Variants in PLEKHG1 observed in about 807,000 individuals in gnomAD.
PLEKHG1 encodes the protein pleckstrin homology and RhoGEF domain containing G1.
PLEKHG1 carries 44 observed loss-of-function variants against 100.8 expected under a neutral mutation model. The observed-to-expected ratio is 0.44, with a 90% CI of 0.34 to 0.56. The LOEUF is 0.56. Among genes scored for constraint, PLEKHG1 ranks in the 20% least tolerant of loss-of-function variants. The probability of loss-of-function intolerance (pLI) is 0.01; values close to 1 mark genes in which losing one functional copy is unlikely to be tolerated. For missense variants in PLEKHG1, 1,545 were observed against 1,720.9 expected, an observed-to-expected ratio of 0.90 and a Z score of 1.81; for synonymous variants, 640 against 662.5, an observed-to-expected ratio of 0.97 and a Z score of 0.52.
At chr6:150,773,711 T>A (rs1369815505) in intron 3 of PLEKHG1, among the ~76,000 whole-genome samples, 1 of 152,218 alleles carries the variant, frequency 6.6e-6, no homozygotes, top group Non-Finnish European at 1.5e-5. Flanking sequence ...GAATTTTTTT[T>A]TTAATTTGTC....
At chr6:150,839,866 A>G in exon 16 of PLEKHG1, 4 of 1,613,428 alleles carry the variant, frequency 2.5e-6, no homozygotes, top group East Asian at 4.5e-5. Context: ...CAGTTGTATG[A>G]CCAGATTGTA....
intron 1 of PLEKHG1, among the ~76,000 whole-genome samples, chr6:150,605,049 C>T (rs559842323): frequency 6.6e-6 from 1 of 152,340 alleles, no homozygotes; most frequent in South Asian, 2.1e-4. Flanking sequence ...TCTGTCTCTT[C>T]CCTGCAGCCC....
At position 150,777,730 on chromosome 6, in the gene PLEKHG1, C is replaced by T. The variant is rs185526470; in HGVS notation, c.513-8660C>T. On this transcript the variant is annotated intron_variant, in intron 3 of 15. Coordinates refer to ENST00000358517, the Ensembl canonical transcript of PLEKHG1. ...TGTGCGGTTGCACATTACACTGATG[C>T]AATCCTGGTGCACGTGTGGTTGCAC... is the stretch of plus-strand genomic sequence containing the variant. Among the ~76,000 whole-genome samples, 21 of 127,472 alleles carry T rather than the reference C, an allele frequency of 1.6e-4. 1 individual carries two copies. Among genetic ancestry groups the T allele is most frequent in the African/African-American group, 7.6e-4 (20 of 26,250 alleles). 83.6% of individuals were successfully genotyped at this position (127,472 alleles called of 152,430 possible). A position where few individuals can be genotyped will look rare whatever the true frequency, so the allele number is the denominator to read the frequency against.
chr6:150,741,940 G>A (rs548947177), intron 2 of PLEKHG1, among the ~76,000 whole-genome samples: 2 of 152,266 alleles, frequency 1.3e-5, no homozygotes, highest in East Asian at 1.9e-4. Flanking sequence ...AACCACCACC[G>A]TCCCCACTTG....
At chr6:150,796,053 C>T in intron 5 of PLEKHG1, 151 bp downstream of exon 6, 1 of 528,326 alleles carries the variant, frequency 1.9e-6, no homozygotes, top group Non-Finnish European at 3.4e-6. Context: ...GAACAGATTA[C>T]AGGGGCACCC....
chr6:150,826,632 A>G (rs912171076), intron 14 of PLEKHG1, among the ~76,000 whole-genome samples: 4 of 152,140 alleles, frequency 2.6e-5, no homozygotes, highest in Non-Finnish European at 4.4e-5. Context: ...TGACCAACAT[A>G]TGCTGATTCT....
intron 3 of PLEKHG1, among the ~76,000 whole-genome samples, chr6:150,784,322 T>G (rs1365550623): frequency 6.6e-6 from 1 of 152,194 alleles, no homozygotes; most frequent in Non-Finnish European, 1.5e-5. Context: ...GATACTGGAA[T>G]CTCAATAGCA....
chr6:150,718,268 A>G (rs1176370490), upstream of PLEKHG1, among the ~76,000 whole-genome samples: 1 of 152,220 alleles, frequency 6.6e-6, no homozygotes, highest in East Asian at 1.9e-4. Context: ...CCAGCAGCGC[A>G]CCTCCAAGAA....
chr6:150,795,314 G>A (rs1334412924), intron 4 of PLEKHG1, among the ~76,000 whole-genome samples: 5 of 151,990 alleles, frequency 3.3e-5, no homozygotes, highest in African/African-American at 7.3e-5. Context: ...TGCTTGAACC[G>A]GGGAGGCAGA....
intron 3 of PLEKHG1, among the ~76,000 whole-genome samples, chr6:150,687,544 A>G (rs1055487281): frequency 4.6e-5 from 7 of 152,232 alleles, no homozygotes; most frequent in Non-Finnish European, 1.0e-4. Context: ...TTTCATTAGA[A>G]TGAAATACTT....
intron 4 of PLEKHG1, among the ~76,000 whole-genome samples, chr6:150,789,374 G>T (rs529368048): frequency 2.0e-5 from 3 of 152,274 alleles, no homozygotes; most frequent in Admixed American, 6.5e-5. Context: ...CTAACTAGGA[G>T]CTGTTGACTT....
intron 2 of PLEKHG1, among the ~76,000 whole-genome samples, chr6:150,736,788 C>T (rs1172067598): frequency 1.3e-5 from 2 of 151,014 alleles, no homozygotes; most frequent in Non-Finnish European, 3.0e-5. Flanking sequence ...AAAACAAAAA[C>T]AAAAAATCAG....
chr6:150,776,457 TACTC>T (rs1419146473), intron 3 of PLEKHG1, among the ~76,000 whole-genome samples: 6 of 133,222 alleles, frequency 4.5e-5, no homozygotes, highest in South Asian at 2.4e-4. Flanking sequence ...AGTTGCACAT[TACTC>T]ACACTGATGC....
chr6:150,638,613 G>C (rs1778117432), intron 2 of PLEKHG1, among the ~76,000 whole-genome samples: 1 of 152,238 alleles, frequency 6.6e-6, no homozygotes, highest in Non-Finnish European at 1.5e-5. Flanking sequence ...AGAGGATGGA[G>C]AGTTCTGGGG....
chr6:150,639,653 G>C (rs1265132832), intron 2 of PLEKHG1, among the ~76,000 whole-genome samples: 1 of 152,098 alleles, frequency 6.6e-6, no homozygotes, highest in Admixed American at 6.5e-5. Flanking sequence ...GGGCTGGCCT[G>C]AAGAGTCTGG....
At chr6:150,796,469 A>C (rs1391155946) in intron 5 of PLEKHG1, among the ~76,000 whole-genome samples, 2 of 152,188 alleles carry the variant, frequency 1.3e-5, no homozygotes, top group Non-Finnish European at 2.9e-5. Context: ...TGTAGGAAGC[A>C]TCCTTGGACA....
In PLEKHG1 at chr6:150,831,210, C is replaced by T. The variant is rs1269226341; in HGVS notation, c.2099C>T (p.Ala700Val). Residue 700 changes from alanine to valine, a missense_variant, in exon 15 of 16, where the codon GCC becomes GTC. Physicochemically the swap from Ala to Val is moderately conservative, Grantham distance 64. Coordinates refer to ENST00000358517, the Ensembl canonical transcript of PLEKHG1. This position sits in a 1 kb window ranked among gnomAD's most constrained non-coding sequence, Gnocchi z 4.1. ...CGCCCCAAGAGCACCCCAGAGTTAG[C>T]CTTCACAAAGAGGCAAGCTGGCCAC... 3 of 1,614,020 alleles carry T rather than the reference C, an allele frequency of 1.9e-6. No homozygotes were observed. The highest frequency in any genetic ancestry group is 2.5e-6 in the Non-Finnish European group (3 of 1,180,028).
At chr6:150,809,562 G>A in intron 9 of PLEKHG1, 86 bp downstream of exon 10, 1 of 1,484,718 alleles carries the variant, frequency 6.7e-7, no homozygotes, top group Middle Eastern at 1.7e-4. Flanking sequence ...AGAGCGTTCT[G>A]GCCACATGGT....
Position 150,677,704 on chromosome 6 carries a change from T to TA in PLEKHG1, c.-99+26924dup, listed in dbSNP as rs575877742. On this transcript the variant is annotated intron_variant, in intron 3 of 3. Coordinates refer to the PLEKHG1 transcript ENST00000367326. ...AGGCAACATAGTGAGATCCCGTCTC[T>TA]AAAAAAGAAAAAGAAAGTTTAAATT... 5.1e-4 allele frequency among the ~76,000 whole-genome samples: 76 copies of TA among 148,014 alleles called. 3 individuals carry two copies. In the East Asian group the frequency reaches 0.015, roughly 29 times the overall value.
Sources: allele counts gnomAD v4.1 joint callset (sites outside exome capture counted in the v4.1 genomes callset), GRCh38; gene constraint gnomAD v4.1.1; non-coding constraint Gnocchi (gnomAD v3.1); transcripts MANE v1.5; gene names NCBI Gene and HGNC (gene_info 2026-07-23, HGNC 2026-07-21).